The following SORCS2 variants were observed in gnomAD, a reference collection of about 807,000 sequenced individuals.
SORCS2 encodes the protein VPS10 domain-containing receptor SorCS2.
Under a neutral mutation model 141.6 loss-of-function variants are expected in SORCS2, and 100 were observed. The ratio of observed to expected loss-of-function variants is 0.71; its 90% CI spans 0.60 to 0.83. The LOEUF (loss-of-function observed/expected upper bound fraction) is 0.83. Among genes scored for constraint, SORCS2 ranks in the 40% least tolerant of loss-of-function variants. The probability of loss-of-function intolerance (pLI) is 0.00; values close to 1 mark genes in which losing one functional copy is unlikely to be tolerated. For missense variants in SORCS2, 1,646 were observed against 1,560.2 expected (o/e 1.05, Z -0.93); for synonymous variants, 789 against 676.9 (o/e 1.17, Z -2.57).
chr4:7,314,187 G>A (rs1718386876), intron 1 of SORCS2, among the ~76,000 whole-genome samples: 2 of 152,162 alleles, frequency 1.3e-5, no homozygotes, highest in Admixed American at 6.5e-5. Flanking sequence ...AAGTGGGGTC[G>A]GAGGAGAGGC....
At chr4:7,501,123 C>T (rs1401432315) in intron 2 of SORCS2, among the ~76,000 whole-genome samples, 4 of 152,166 alleles carry the variant, frequency 2.6e-5, no homozygotes, top group African/African-American at 4.8e-5. Flanking sequence ...GCGGGTGAGA[C>T]GAATCTTGCC....
intron 3 of SORCS2, among the ~76,000 whole-genome samples, chr4:7,577,353 GTA>G (rs1715819922): frequency 6.6e-6 from 1 of 152,216 alleles, no homozygotes; most frequent in Admixed American, 6.5e-5. Flanking sequence ...GGTGATACAG[GTA>G]TAGTCAGGTG....
intron 3 of SORCS2, among the ~76,000 whole-genome samples, chr4:7,616,826 A>T (rs571233065): frequency 6.6e-6 from 1 of 152,372 alleles, no homozygotes; most frequent in East Asian, 1.9e-4. Flanking sequence ...AGCCATGTGG[A>T]AATTATGTTC....
intron 3 of SORCS2, among the ~76,000 whole-genome samples, chr4:7,582,312 A>G (rs1006546056): frequency 1.3e-5 from 2 of 152,206 alleles, no homozygotes; most frequent in African/African-American, 4.8e-5. Context: ...TGATCTCACC[A>G]CTGCACTGCA....
At chr4:7,555,226 G>C (rs901693187) in intron 3 of SORCS2, among the ~76,000 whole-genome samples, 1 of 152,224 alleles carries the variant, frequency 6.6e-6, no homozygotes, top group South Asian at 2.1e-4. Context: ...TGAGCCAGTT[G>C]CTATTAAACT....
chr4:7,606,310 T>C (rs952698402), intron 3 of SORCS2, among the ~76,000 whole-genome samples: 2 of 152,134 alleles, frequency 1.3e-5, no homozygotes, highest in African/African-American at 4.8e-5. Context: ...ATGGAGAATA[T>C]CCACTCAAAC....
intron 1 of SORCS2, among the ~76,000 whole-genome samples, chr4:7,306,289 A>T (rs1485239101): frequency 6.9e-6 from 1 of 143,896 alleles, no homozygotes; most frequent in Non-Finnish European, 1.5e-5. Context: ...GCTCCGGGGT[A>T]GGCTTGTTGA....
intron 1 of SORCS2, among the ~76,000 whole-genome samples, chr4:7,232,740 C>T (rs1012308431): frequency 6.6e-6 from 1 of 152,170 alleles, no homozygotes; most frequent in African/African-American, 2.4e-5. Flanking sequence ...TGCCCTGGGC[C>T]CCCTCAGTAG....
At chr4:7,454,553 A>G (rs1363986294) in intron 2 of SORCS2, among the ~76,000 whole-genome samples, 28 of 67,418 alleles carry the variant, frequency 4.2e-4, no homozygotes, top group East Asian at 5.7e-4. Flanking sequence ...GGGGTCAGGC[A>G]CTGTGTTGGG....
At chr4:7,293,621 A>G (rs1485437747) in intron 1 of SORCS2, among the ~76,000 whole-genome samples, 3 of 152,202 alleles carry the variant, frequency 2.0e-5, no homozygotes, top group Admixed American at 6.5e-5. Context: ...GGAACTGGGT[A>G]AAGCCAACCT....
At chr4:7,303,026 T>C (rs561796936) in intron 1 of SORCS2, among the ~76,000 whole-genome samples, 5 of 152,318 alleles carry the variant, frequency 3.3e-5, no homozygotes, top group Admixed American at 3.3e-4. Flanking sequence ...CCTGGGGTGC[T>C]GTGTGCACAG....
Position 7,638,510 on chromosome 4 carries a change from C to T in SORCS2, c.813+18C>T. On this transcript the variant is annotated intron_variant, in intron 4 of 26. Coordinates refer to ENST00000507866, the MANE Select transcript of SORCS2 (RefSeq NM_020777.3). ...AGAGCAAGGTAAGATATATGGGTGC[C>T]AGTCGCCTGGTCTGTGGGGCTGGGG... 6.2e-7 allele frequency: 1 copy of T among 1,603,274 alleles called. No individual in the cohort carries two copies. Among genetic ancestry groups the T allele is most frequent in the Non-Finnish European group, 8.5e-7 (1 of 1,176,344 alleles).
intron 3 of SORCS2, among the ~76,000 whole-genome samples, chr4:7,594,177 C>T (rs1436337018): frequency 6.6e-6 from 1 of 152,160 alleles, no homozygotes; most frequent in Non-Finnish European, 1.5e-5. Context: ...GTACTCTGCC[C>T]CCTGCTGCCT....
At position 7,373,478 on chromosome 4, in the gene SORCS2, A is replaced by ATATATAATTT. The variant is rs1470691140; in HGVS notation, c.481-22809_481-22808insATATAATTTT. On this transcript the variant is annotated intron_variant, in intron 1 of 26. Coordinates refer to ENST00000507866, the MANE Select transcript of SORCS2 (RefSeq NM_020777.3). ...AACTTTTATATATATATATATATAT[A>ATATATAATTT]TTTTTTTTTTTTTTTTTTTTTTTTT... Among the ~76,000 whole-genome samples, 5 of 36,822 alleles carry ATATATAATTT rather than the reference A, an allele frequency of 1.4e-4. 1 individual carries two copies. The highest frequency in any genetic ancestry group is 8.0e-4 in the African/African-American group (5 of 6,260). 24.2% of individuals were successfully genotyped at this position (36,822 alleles called of 152,430 possible).
Position 7,725,151 on chromosome 4 carries a change from C to A in SORCS2, c.2612-3C>A. 1.2e-6 allele frequency: 2 copies of A among 1,612,336 alleles called. No individual in the cohort carries two copies. Among genetic ancestry groups the A allele is most frequent in the Non-Finnish European group, 1.7e-6 (2 of 1,179,064 alleles). Reference sequence around the variant, plus strand: ...TAACCCTGGCCTTTTTGGGTCCCCACAGCCCCCCTGCAGGCCCTCTACCTG... The same window carrying A: ...TAACCCTGGCCTTTTTGGGTCCCCAAAGCCCCCCTGCAGGCCCTCTACCTG... On this transcript the variant is annotated splice_polypyrimidine_tract_variant and splice_region_variant and intron_variant, in intron 19 of 26. Coordinates refer to ENST00000507866, the MANE Select transcript of SORCS2 (RefSeq NM_020777.3).
chr4:7,343,381 C>T (rs1720472381), intron 1 of SORCS2, among the ~76,000 whole-genome samples: 1 of 152,256 alleles, frequency 6.6e-6, no homozygotes, highest in Non-Finnish European at 1.5e-5. Flanking sequence ...AAGCCGATGA[C>T]ATGTCTGAGC....
intron 3 of SORCS2, among the ~76,000 whole-genome samples, chr4:7,534,918 G>C (rs930155896): frequency 6.6e-6 from 1 of 152,214 alleles, no homozygotes; most frequent in Non-Finnish European, 1.5e-5. Flanking sequence ...TTGAGGAGGG[G>C]CTGCAGGGGT....
chr4:7,376,648 T>C (rs1722675095), intron 1 of SORCS2, among the ~76,000 whole-genome samples: 1 of 152,210 alleles, frequency 6.6e-6, no homozygotes, highest in Non-Finnish European at 1.5e-5. Flanking sequence ...CTCAGGCATA[T>C]TTTTTTCTGG....
intron 1 of SORCS2, among the ~76,000 whole-genome samples, chr4:7,322,897 C>G (rs1298590526): frequency 6.6e-6 from 1 of 152,154 alleles, no homozygotes; most frequent in East Asian, 1.9e-4. Context: ...CTGCCTAGAG[C>G]CTGCCTCCCC....
Sources: gnomAD v4.1 joint callset for allele counts (sites outside exome capture counted in the v4.1 genomes callset) on GRCh38, gnomAD v4.1.1 for gene constraint, MANE v1.5 for transcripts, NCBI Gene and HGNC (gene_info 2026-07-23, HGNC 2026-07-21) for gene names.